The following ARAP1 variants were observed in gnomAD, a reference collection of about 807,000 sequenced individuals.
ARAP1 encodes arf-GAP with Rho-GAP domain, ANK repeat and PH domain-containing protein 1.
ARAP1 carries 76 observed loss-of-function variants against 172.2 expected under a neutral mutation model. The ratio of observed to expected loss-of-function variants is 0.44; its 90% CI spans 0.37 to 0.53. The LOEUF (loss-of-function observed/expected upper bound fraction) is 0.53, where lower values mean the gene tolerates loss of function less well. Among genes scored for constraint, ARAP1 ranks in the 20% least tolerant of loss-of-function variants. The pLI is 0.00. For missense variants in ARAP1, 1,686 were observed against 1,977.5 expected (o/e 0.85, Z 2.80); for synonymous variants, 804 against 803.3 (o/e 1.00, Z -0.01).
At position 72,696,049 on chromosome 11, in the gene ARAP1, T is replaced by C. The variant is rs149017177; in HGVS notation, c.3273-184A>G. On this transcript the variant is annotated intron_variant, in intron 23 of 34. Transcript: ENST00000393609. Reference sequence around the variant, plus strand: ...GGAGCAGGACTGGGAAGCTGGGAGATCCAGACAAGGTACCCTGGCCCCAGT... The same window carrying C: ...GGAGCAGGACTGGGAAGCTGGGAGACCCAGACAAGGTACCCTGGCCCCAGT... 2.9e-3 allele frequency among the ~76,000 whole-genome samples: 439 copies of C among 151,980 alleles called. 2 individuals are homozygous for C. The highest frequency in any genetic ancestry group is 0.01 in the African/African-American group (416 of 41,424).
rs1856942952 is a variant in ARAP1, at chr11:72,710,074, T to G, written c.1417-98A>C. 3 of 1,094,898 alleles carry G rather than the reference T, an allele frequency of 2.7e-6. No homozygotes were observed. Among genetic ancestry groups the G allele is most frequent in the Non-Finnish European group, 4.1e-6 (3 of 725,580 alleles). 67.8% of individuals were successfully genotyped at this position (1,094,898 alleles called of 1,614,324 possible). On this transcript the variant is annotated intron_variant, in intron 10 of 34. Transcript: ENST00000393609. The surrounding 1 kb of genome is among the most constrained non-coding windows in gnomAD (Gnocchi z 4.3). ...AGGGAAGGTGGTGCAACTCAGGGAC[T>G]GGGGGGGGTGCCCAGGAGGGAGACA...
chr11:72,707,484 CAA>C (rs1327492655), intron 11 of ARAP1, 110 bp from the exon 12 acceptor site: 4 of 1,025,680 alleles, frequency 3.9e-6, no homozygotes, highest in Non-Finnish European at 5.6e-6. Context: ...AGCGCTTAGG[CAA>C]AAGAGTGAGG....
intron 33 of ARAP1, 198 bp downstream of exon 33, chr11:72,687,241 T>C: frequency 1.5e-6 from 1 of 684,212 alleles, no homozygotes; most frequent in Non-Finnish European, 2.5e-6. Context: ...TGTCTGTCCC[T>C]AGCATCCCTG....
intron 3 of ARAP1, among the ~76,000 whole-genome samples, chr11:72,720,772 G>A (rs988030429): frequency 2.0e-5 from 3 of 152,016 alleles, no homozygotes; most frequent in African/African-American, 7.3e-5. Context: ...TTCATATAAT[G>A]ACCTGGGATT....
chr11:72,686,881 C>T (rs1565207114), intron 33 of ARAP1, among the ~76,000 whole-genome samples: 1 of 152,164 alleles, frequency 6.6e-6, no homozygotes, highest in Non-Finnish European at 1.5e-5. Context: ...CCACTGACCT[C>T]TGTGTCGAGG....
chr11:72,685,479 GACCCCTGCTGCCTCCC>G lies in ARAP1; in HGVS notation c.*169_*184del. The G allele has an allele frequency of 1.3e-6, 1 of 777,244 alleles. No individual in the cohort carries two copies. Among genetic ancestry groups the G allele is most frequent in the Non-Finnish European group, 2.1e-6 (1 of 479,736 alleles). The allele number at this position is 777,244 out of a possible 1,614,324, so 48.1% of individuals were successfully genotyped here. The stretch of plus-strand genomic sequence containing the variant: ...GTTGGGAGAGGTTCCTGCCCAGGCT[GACCCCTGCTGCCTCCC>G]ACCCCTGCCGGGGAACCCCATGCTG... On this transcript the variant is annotated 3_prime_UTR_variant, in exon 35 of 35. Coordinates refer to ENST00000393609, the MANE Select transcript of ARAP1 (RefSeq NM_001040118.3).
At chr11:72,704,443 A>G (rs1856661607) in intron 13 of ARAP1, 109 bp from the exon 14 acceptor site, 6 of 1,235,628 alleles carry the variant, frequency 4.9e-6, no homozygotes, top group Non-Finnish European at 6.5e-6. Flanking sequence ...GAGCCAGGCC[A>G]TCTGCCCACT....
rs781024353 is a variant in ARAP1 at position 72,695,886 on chromosome 11, G to A, written c.3273-21C>T. 31 of 1,601,292 alleles carry A rather than the reference G, an allele frequency of 1.9e-5. No homozygotes were observed. In the East Asian group the frequency reaches 4.7e-4, roughly 24 times the overall value. ...GAACACTGGAGAGGGGAGGAGGAGG[G>A]CTTTGAGTGAGGAGTCAGGCCAGAG... On this transcript the variant is annotated intron_variant, in intron 23 of 34. Transcript: ENST00000393609. This position sits in a 1 kb window ranked among gnomAD's most constrained non-coding sequence, Gnocchi z 4.4.
chr11:72,685,849 C>T, intron 34 of ARAP1, 168 bp from the exon 35 acceptor site: 4 of 1,343,624 alleles, frequency 3.0e-6, no homozygotes, highest in Non-Finnish European at 4.2e-6. Flanking sequence ...TCCCAGCTTC[C>T]AGGGCCAGGC....
At chr11:72,733,481 TG>T (rs1436751626) in intron 1 of ARAP1, among the ~76,000 whole-genome samples, 8 of 151,962 alleles carry the variant, frequency 5.3e-5, no homozygotes, top group African/African-American at 1.9e-4. Flanking sequence ...TAGGGGAGGT[TG>T]AGGAAAACAG....
intron 3 of ARAP1, among the ~76,000 whole-genome samples, chr11:72,722,925 C>G (rs1020144747): frequency 1.3e-5 from 2 of 152,158 alleles, no homozygotes; most frequent in African/African-American, 4.8e-5. Context: ...GGTCTGGGCA[C>G]CGGCTTCCCT....
chr11:72,706,803 T>C (rs1323677662), intron 12 of ARAP1, among the ~76,000 whole-genome samples: 2 of 152,200 alleles, frequency 1.3e-5, no homozygotes, highest in Non-Finnish European at 2.9e-5. Flanking sequence ...CTCCTCCCTC[T>C]GCATGCAAAG....
At chr11:72,698,452 T>A (rs12801699) in intron 18 of ARAP1, among the ~76,000 whole-genome samples, 76,812 of 152,112 alleles carry the variant, frequency 0.5, 19,549 homozygotes, top group Non-Finnish European at 0.55. Context: ...CCCACATGGG[T>A]GCTACTGAAG....
chr11:72,687,765 G>A (rs1420179400), intron 31 of ARAP1, 27 bp from the exon 32 acceptor site: 3 of 1,613,906 alleles, frequency 1.9e-6, no homozygotes, highest in South Asian at 1.1e-5. Flanking sequence ...GAGAGAGTTG[G>A]GTGTTTGACA....
rs1591178310 is a variant in ARAP1, at chr11:72,695,522, A to C, written c.3507+20T>G. The C allele has an allele frequency of 1.9e-6, 3 of 1,614,004 alleles. No individual in the cohort carries two copies. The highest frequency in any genetic ancestry group is 2.5e-6 in the Non-Finnish European group (3 of 1,180,004). On this transcript the variant is annotated intron_variant, in intron 25 of 34. Coordinates refer to ENST00000393609, the MANE Select transcript of ARAP1 (RefSeq NM_001040118.3). The surrounding 1 kb of genome is among the most constrained non-coding windows in gnomAD (Gnocchi z 4.4). ...TGCAGGTGGCAGGTCCAAGCCCCCC[A>C]CCCAGGCTCCAGCCTTCACCTGGGT...
chr11:72,693,621 CCA>C lies in ARAP1; in HGVS notation c.3808+69_3808+70del. The stretch of plus-strand genomic sequence containing the variant: ...CTGTCTGAGCTGTTCCTACCTGGCA[CCA>C]CCAGGTCCCACCCTGGCTCTGGAAG... On this transcript the variant is annotated intron_variant, in intron 28 of 34. Coordinates refer to ENST00000393609, the MANE Select transcript of ARAP1 (RefSeq NM_001040118.3). The surrounding 1 kb of genome is among the most constrained non-coding windows in gnomAD (Gnocchi z 4.6). 1 of 1,524,706 alleles carries C rather than the reference CCA, an allele frequency of 6.6e-7. No individual in the cohort carries two copies. The highest frequency in any genetic ancestry group is 8.9e-7 in the Non-Finnish European group (1 of 1,127,012). The allele number at this position is 1,524,706 out of a possible 1,614,324, so 94.4% of individuals were successfully genotyped here.
intron 1 of ARAP1, among the ~76,000 whole-genome samples, chr11:72,733,298 C>T (rs1016504896): frequency 6.6e-6 from 1 of 152,118 alleles, no homozygotes; most frequent in Non-Finnish European, 1.5e-5. Context: ...TGCAGCCCTG[C>T]GACTAAAGAG....
At chr11:72,752,040 C>A (rs941562137) in intron 1 of ARAP1, among the ~76,000 whole-genome samples, 1 of 152,336 alleles carries the variant, frequency 6.6e-6, no homozygotes, top group Middle Eastern at 3.4e-3. Flanking sequence ...CAGATGGGAA[C>A]CCCAAGGCGC....
intron 29 of ARAP1, 104 bp from the exon 30 acceptor site, chr11:72,692,889 GC>G: frequency 2.8e-6 from 4 of 1,431,858 alleles, no homozygotes; most frequent in Non-Finnish European, 3.9e-6. Context: ...GCATGTATGT[GC>G]AGAAGGTGGA....
Sources: allele counts gnomAD v4.1 joint callset (sites outside exome capture counted in the v4.1 genomes callset), GRCh38; gene constraint gnomAD v4.1.1; non-coding constraint Gnocchi (gnomAD v3.1); transcripts MANE v1.5; gene names NCBI Gene and HGNC (gene_info 2026-07-23, HGNC 2026-07-21).